The following FLACC1 variants were observed in gnomAD, a reference collection of about 807,000 sequenced individuals.
FLACC1 encodes flagellum-associated coiled-coil domain-containing protein 1.
A neutral mutation model predicts 62.8 loss-of-function variants in FLACC1; 66 were observed. That is an observed-to-expected ratio of 1.05 (90% confidence interval 0.86 to 1.29). The LOEUF (loss-of-function observed/expected upper bound fraction) is 1.29, where lower values mean the gene tolerates loss of function less well. Among genes scored for constraint, FLACC1 ranks in the 50% most tolerant of loss-of-function variants. FLACC1 has a pLI of 0.00. For synonymous variants in FLACC1, 156 were observed against 161.0 expected (o/e 0.97, Z 0.24); for missense variants, 452 against 489.1 (o/e 0.92, Z 0.71).
intron 7 of FLACC1, among the ~76,000 whole-genome samples, chr2:201,331,472 C>A (rs1195679521): frequency 6.6e-6 from 1 of 152,160 alleles, no homozygotes; most frequent in African/African-American, 2.4e-5. Context: ...CAAGTTCTCT[C>A]CAGCCTCCAT....
chr2:201,289,441 T>C lies in FLACC1; in HGVS notation c.1142+16A>G, dbSNP rs1015822413. On this transcript the variant is annotated intron_variant, in intron 14 of 14. Coordinates refer to ENST00000392257, the MANE Select transcript of FLACC1 (RefSeq NM_001127391.3). ...TAAAGAGAACTCAGCTATGTCTTTTTCAGCAGCAGCCGCACTTCAGATGAA... is the reference window on the plus strand; with the variant it reads ...TAAAGAGAACTCAGCTATGTCTTTTCCAGCAGCAGCCGCACTTCAGATGAA... 1.2e-6 allele frequency: 2 copies of C among 1,611,330 alleles called. No individual in the cohort carries two copies. The highest frequency in any genetic ancestry group is 1.7e-6 in the Non-Finnish European group (2 of 1,177,630).
intron 9 of FLACC1, among the ~76,000 whole-genome samples, chr2:201,318,244 C>T (rs760639384): frequency 6.6e-6 from 1 of 152,002 alleles, no homozygotes; most frequent in Non-Finnish European, 1.5e-5. Context: ...AGATAAATGG[C>T]TGGGACTTAA....
intron 7 of FLACC1, among the ~76,000 whole-genome samples, chr2:201,331,221 G>A (rs1950588310): frequency 6.6e-6 from 1 of 151,984 alleles, no homozygotes; most frequent in African/African-American, 2.4e-5. Flanking sequence ...ATCCTCCTGC[G>A]TTGACCTCCC....
At chr2:201,304,977 A>T (rs923564037) in intron 11 of FLACC1, among the ~76,000 whole-genome samples, 20 of 152,308 alleles carry the variant, frequency 1.3e-4, no homozygotes, top group African/African-American at 4.8e-4. Context: ...AACCATAAAA[A>T]CCCTAGAGGG....
chr2:201,331,327 G>GAA (rs1345715147), intron 7 of FLACC1, among the ~76,000 whole-genome samples: 20 of 152,046 alleles, frequency 1.3e-4, no homozygotes, highest in African/African-American at 4.8e-4. Context: ...AGGGTGAGGG[G>GAA]ACCCTTTTCT....
chr2:201,362,072 AACTT>A (rs1307002830), upstream of FLACC1, among the ~76,000 whole-genome samples: 2 of 152,220 alleles, frequency 1.3e-5, no homozygotes, highest in Non-Finnish European at 1.5e-5. Flanking sequence ...AGAAAAATAA[AACTT>A]ACTATTAGCC....
At position 201,357,261 on chromosome 2, in the gene FLACC1, T is replaced by G. The variant is rs1380499516; in HGVS notation, c.-327A>C. 2 of 152,252 alleles carry G rather than the reference T, an allele frequency of 1.3e-5. No individual in the cohort carries two copies. The highest frequency in any genetic ancestry group is 2.1e-4 in the South Asian group (1 of 4,832). 9.4% of individuals were successfully genotyped at this position (152,252 alleles called of 1,614,324 possible). On this transcript the variant is annotated 5_prime_UTR_variant, in exon 1 of 15. Coordinates refer to ENST00000392257, the MANE Select transcript of FLACC1 (RefSeq NM_001127391.3). ...ATTTCCCTTCTAAAGACAAAACAGT[T>G]GAAGTTTCTCAGTATTGCAATGAAA... is the stretch of plus-strand genomic sequence containing the variant.
At chr2:201,294,148 G>A (rs2125537267) in intron 12 of FLACC1, among the ~76,000 whole-genome samples, 1 of 152,232 alleles carries the variant, frequency 6.6e-6, no homozygotes, top group African/African-American at 2.4e-5. Context: ...AGAAAAAGAG[G>A]GAATCCTCCC....
chr2:201,339,105 C>G (rs1011476851), intron 7 of FLACC1, among the ~76,000 whole-genome samples: 2 of 151,552 alleles, frequency 1.3e-5, no homozygotes, highest in Non-Finnish European at 2.9e-5. Context: ...CATTATTGGT[C>G]TTGAATAATT....
At chr2:201,306,098 A>AT (rs1212540940) in intron 11 of FLACC1, among the ~76,000 whole-genome samples, 15 of 113,704 alleles carry the variant, frequency 1.3e-4, no homozygotes, top group Admixed American at 6.6e-4. Flanking sequence ...TAAAAAAAGA[A>AT]TAAAAAAAAA....
At chr2:201,333,028 A>T (rs1950625118) in intron 7 of FLACC1, among the ~76,000 whole-genome samples, 1 of 152,230 alleles carries the variant, frequency 6.6e-6, no homozygotes, top group South Asian at 2.1e-4. Flanking sequence ...ATGGGAATAC[A>T]GACATCTCAA....
chr2:201,349,277 G>C (rs1950978354), intron 3 of FLACC1, among the ~76,000 whole-genome samples: 1 of 152,142 alleles, frequency 6.6e-6, no homozygotes, highest in Non-Finnish European at 1.5e-5. Flanking sequence ...TCCCACCCCA[G>C]GGCCTTTGGA....
At chr2:201,292,612 A>C (rs1350437551) in intron 12 of FLACC1, among the ~76,000 whole-genome samples, 1 of 152,252 alleles carries the variant, frequency 6.6e-6, no homozygotes, top group Non-Finnish European at 1.5e-5. Flanking sequence ...AAGAAACTGC[A>C]TCAACTAACG....
chr2:201,337,867 T>C (rs1950726136), intron 7 of FLACC1, among the ~76,000 whole-genome samples: 1 of 152,232 alleles, frequency 6.6e-6, no homozygotes, highest in Admixed American at 6.5e-5. Flanking sequence ...CTCCAGATTT[T>C]TTTTCCCCAC....
intron 7 of FLACC1, among the ~76,000 whole-genome samples, chr2:201,339,861 C>T (rs749639148): frequency 6.6e-6 from 1 of 151,970 alleles, no homozygotes; most frequent in African/African-American, 2.4e-5. Flanking sequence ...TTTCAGGTGT[C>T]AGGAATGGCA....
chr2:201,319,984 G>A (rs1284918811), intron 9 of FLACC1, among the ~76,000 whole-genome samples: 1 of 152,190 alleles, frequency 6.6e-6, no homozygotes, highest in Non-Finnish European at 1.5e-5. Flanking sequence ...CATTACTCCT[G>A]GAATACACAC....
At chr2:201,298,903 C>T (rs1031345025) in intron 12 of FLACC1, among the ~76,000 whole-genome samples, 1 of 152,182 alleles carries the variant, frequency 6.6e-6, no homozygotes, top group African/African-American at 2.4e-5. Context: ...TTATACTTTT[C>T]AGAGCTCAAA....
chr2:201,358,534 A>G (rs1005033795), upstream of FLACC1, among the ~76,000 whole-genome samples: 1 of 148,208 alleles, frequency 6.7e-6, no homozygotes, highest in African/African-American at 2.5e-5. Flanking sequence ...CTCCTGCCTC[A>G]GCCTCCCAAG....
chr2:201,351,423 G>T lies in FLACC1; in HGVS notation c.-19C>A, dbSNP rs780873240. On this transcript the variant is annotated 5_prime_UTR_variant, in exon 2 of 15. Transcript: ENST00000392257. ...GGTACATGGCCAAAGGTCAGGGGGAGTCTTGGCTGCTAGATCAGGAGGCTC... is the reference window on the plus strand; with the variant it reads ...GGTACATGGCCAAAGGTCAGGGGGATTCTTGGCTGCTAGATCAGGAGGCTC... 9 of 1,568,110 alleles carry T rather than the reference G, an allele frequency of 5.7e-6. No individual in the cohort carries two copies. The highest frequency in any genetic ancestry group is 7.9e-6 in the Non-Finnish European group (9 of 1,139,524).
Sources: gnomAD v4.1 joint callset for allele counts (sites outside exome capture counted in the v4.1 genomes callset) on GRCh38, gnomAD v4.1.1 for gene constraint, MANE v1.5 for transcripts, NCBI Gene and HGNC (gene_info 2026-07-23, HGNC 2026-07-21) for gene names.